The following FABP6 variants were observed in gnomAD, a reference collection of about 807,000 sequenced individuals.
The protein encoded by FABP6 is gastrotropin.
A neutral mutation model predicts 14.9 loss-of-function variants in FABP6; 13 were observed. That is an observed-to-expected ratio of 0.87 (90% CI 0.57 to 1.39). FABP6 has a LOEUF of 1.39. Ranked by LOEUF, FABP6 falls within the 40% of genes most tolerant of loss-of-function variation. The probability of loss-of-function intolerance (pLI) is 0.00; values close to 1 mark genes in which losing one functional copy is unlikely to be tolerated. For synonymous variants in FABP6, 75 were observed against 63.6 expected, an observed-to-expected ratio of 1.18 and a Z score of -0.85; for missense variants, 161 against 167.2, an observed-to-expected ratio of 0.96 and a Z score of 0.20.
chr5:160,223,358 C>CTTCCTTCCTTCCTTCCTTCCTTCCTTCT (rs1760170042), intron 3 of FABP6, among the ~76,000 whole-genome samples: 1 of 83,478 alleles, frequency 1.2e-5, no homozygotes, highest in African/African-American at 5.4e-5. Context: ...TCCTTCCTTC[C>CTTCCTTCCTTCCTTCCTTCCTTCCTTCT]TTCTTTCCCT....
intron 3 of FABP6, among the ~76,000 whole-genome samples, chr5:160,222,177 C>T (rs987312811): frequency 6.6e-6 from 1 of 150,814 alleles, no homozygotes; most frequent in Non-Finnish European, 1.5e-5. Flanking sequence ...ACTGAAGCCT[C>T]AGTCTCCCAG....
upstream of FABP6, chr5:160,229,337 A>G: frequency 9.1e-7 from 1 of 1,095,976 alleles, no homozygotes; most frequent in Non-Finnish European, 1.2e-6. Flanking sequence ...GGGTGACAGC[A>G]CTTCCCCAGG....
intron 1 of FABP6, among the ~76,000 whole-genome samples, chr5:160,194,553 T>G (rs908228143): frequency 6.6e-6 from 1 of 151,890 alleles, no homozygotes; most frequent in African/African-American, 2.4e-5. Flanking sequence ...AAAAATTAAA[T>G]AAATAAAAAA....
At chr5:160,205,753 G>T (rs576506310) in intron 2 of FABP6, among the ~76,000 whole-genome samples, 1 of 152,290 alleles carries the variant, frequency 6.6e-6, no homozygotes, top group Non-Finnish European at 1.5e-5. Context: ...TCTGTAATGT[G>T]AGAGTGTGGG....
chr5:160,220,594 CTAA>C (rs1194404296), intron 3 of FABP6, among the ~76,000 whole-genome samples: 7 of 151,566 alleles, frequency 4.6e-5, no homozygotes, highest in Non-Finnish European at 1.0e-4. Flanking sequence ...GAGACCCTGC[CTAA>C]TAATAATAAT....
At chr5:160,232,392 A>T (rs1296306196) in intron 2 of FABP6, 119 bp downstream of exon 2, 1 of 1,040,234 alleles carries the variant, frequency 9.6e-7, no homozygotes, top group African/African-American at 1.6e-5. Flanking sequence ...CTCCAGCATT[A>T]GGAGCTTGAG....
upstream of FABP6, among the ~76,000 whole-genome samples, chr5:160,229,112 G>A (rs984639962): frequency 2.6e-5 from 4 of 152,200 alleles, no homozygotes; most frequent in African/African-American, 9.7e-5. Flanking sequence ...GGCTCTTTTG[G>A]GAAAGGTGTG....
At chr5:160,229,010 G>T (rs1222443662), upstream of FABP6, among the ~76,000 whole-genome samples, 1 of 152,174 alleles carries the variant, frequency 6.6e-6, no homozygotes, top group African/African-American at 2.4e-5. Context: ...CCATGCTCCA[G>T]GTCAGCCATC....
chr5:160,237,059 C>T (rs986604263), intron 3 of FABP6, among the ~76,000 whole-genome samples: 3 of 152,106 alleles, frequency 2.0e-5, no homozygotes, highest in Non-Finnish European at 4.4e-5. Context: ...GTGACTATAT[C>T]CCTCTTCTCC....
chr5:160,207,712 A>C (rs1373680972), intron 2 of FABP6, among the ~76,000 whole-genome samples: 1 of 143,782 alleles, frequency 7.0e-6, no homozygotes, highest in Non-Finnish European at 1.5e-5. Context: ...ACTGTAGGTC[A>C]TCTTTACCTC....
intron 2 of FABP6, among the ~76,000 whole-genome samples, chr5:160,210,807 TACA>T (rs1277463694): frequency 2.0e-5 from 3 of 152,230 alleles, no homozygotes; most frequent in Non-Finnish European, 2.9e-5. Flanking sequence ...AAGGCTAAAT[TACA>T]ACGAGTGTCC....
Position 160,234,840 on chromosome 5 carries a change from C to T in FABP6, c.264C>T (p.Gly88=), listed in dbSNP as rs146790847. The T allele has an allele frequency of 3.4e-5, 54 of 1,609,958 alleles. No homozygotes were observed. The highest frequency in any genetic ancestry group is 3.2e-4 in the South Asian group (29 of 90,292). Residue 88 remains glycine, a synonymous_variant, in exon 3 of 4, where the codon GGC becomes GGT. Coordinates refer to ENST00000402432, the MANE Select transcript of FABP6 (RefSeq NM_001445.3). ...TCCAGGCCACTGTGCAGATGGAGGG[C>T]GGGAAGCTGGTGGTGAATTTCCCCA... is the stretch of plus-strand genomic sequence containing the variant. ...KTFKATVQME[G]GKLVVNFPNY...
At chr5:160,204,176 T>C (rs1356781489) in intron 2 of FABP6, among the ~76,000 whole-genome samples, 2 of 149,858 alleles carry the variant, frequency 1.3e-5, no homozygotes, top group African/African-American at 4.9e-5. Context: ...GGGTTCTTGC[T>C]GTGGAGCATG....
At chr5:160,212,415 A>G (rs1047346097) in intron 2 of FABP6, among the ~76,000 whole-genome samples, 1 of 151,898 alleles carries the variant, frequency 6.6e-6, no homozygotes, top group Admixed American at 6.6e-5. Context: ...CAGCCTCCCA[A>G]AGTGCTGGGA....
intron 2 of FABP6, among the ~76,000 whole-genome samples, chr5:160,205,014 T>C (rs1014782350): frequency 8.5e-5 from 13 of 152,152 alleles, no homozygotes; most frequent in African/African-American, 2.9e-4. Flanking sequence ...CATTGGCTTT[T>C]TGGGGACCAG....
chr5:160,192,152 C>T (rs1306522321), intron 1 of FABP6, among the ~76,000 whole-genome samples: 1 of 152,092 alleles, frequency 6.6e-6, no homozygotes, highest in Non-Finnish European at 1.5e-5. Flanking sequence ...ATGTCACCTA[C>T]CCAGCCAGCC....
intron 2 of FABP6, among the ~76,000 whole-genome samples, chr5:160,202,620 C>A (rs934975087): frequency 1.3e-5 from 2 of 151,904 alleles, no homozygotes; most frequent in Non-Finnish European, 2.9e-5. Flanking sequence ...CACGGTGAAA[C>A]CCCGTCTCTA....
upstream of FABP6, among the ~76,000 whole-genome samples, chr5:160,224,769 T>C (rs1300194924): frequency 1.4e-5 from 2 of 144,706 alleles, no homozygotes; most frequent in East Asian, 2.1e-4. Context: ...TCTACAATAA[T>C]TTTTTCCTTT....
chr5:160,198,524 T>G (rs981033700), intron 1 of FABP6: 1 of 152,732 alleles, frequency 6.5e-6, no homozygotes, highest in Non-Finnish European at 1.5e-5. Flanking sequence ...GATCGTGCCA[T>G]CCCCATGCCT....
Sources: gnomAD v4.1 joint callset for allele counts (sites outside exome capture counted in the v4.1 genomes callset) on GRCh38, gnomAD v4.1.1 for gene constraint, MANE v1.5 for transcripts, NCBI Gene and HGNC (gene_info 2026-07-23, HGNC 2026-07-21) for gene names.